Variants in ITCH observed in about 807,000 individuals in gnomAD.
ITCH encodes the protein itchy E3 ubiquitin protein ligase.
A neutral mutation model predicts 126.8 loss-of-function variants in ITCH; 28 were observed. That is an observed-to-expected ratio of 0.22 (90% CI 0.16 to 0.30). The LOEUF (loss-of-function observed/expected upper bound fraction) is 0.30. Among genes scored for constraint, ITCH ranks in the 10% least tolerant of loss-of-function variants. The pLI, the probability that ITCH is intolerant of heterozygous loss-of-function variation, is 1.00. For missense variants in ITCH, 631 were observed against 1,032.4 expected (o/e 0.61, Z 5.33); for synonymous variants, 342 against 340.0 (o/e 1.01, Z -0.06).
At chr20:34,407,359 C>T (rs189456414) in intron 3 of ITCH, among the ~76,000 whole-genome samples, 5 of 152,182 alleles carry the variant, frequency 3.3e-5, no homozygotes, top group South Asian at 2.1e-4. Context: ...CTCCACCTCC[C>T]GGGTTCAAGC....
At chr20:34,410,278 G>A (rs1978812017) in intron 4 of ITCH, among the ~76,000 whole-genome samples, 1 of 151,846 alleles carries the variant, frequency 6.6e-6, no homozygotes, top group African/African-American at 2.4e-5. Context: ...TGAGACAGGA[G>A]AATTGGTTGA....
intron 16 of ITCH, among the ~76,000 whole-genome samples, chr20:34,472,337 A>T (rs1987710169): frequency 6.7e-6 from 1 of 150,194 alleles, no homozygotes; most frequent in Non-Finnish European, 1.5e-5. Context: ...ATTGCATTCC[A>T]GCCTGGGCAA....
At chr20:34,497,371 G>C (rs1162078603) in intron 23 of ITCH, among the ~76,000 whole-genome samples, 1 of 152,100 alleles carries the variant, frequency 6.6e-6, no homozygotes, top group East Asian at 1.9e-4. Context: ...TCTCTCTTCT[G>C]TTCCACTGGT....
intron 24 of ITCH, 148 bp from the exon 25 acceptor site, chr20:34,507,547 T>C (rs1990717400): frequency 1.5e-6 from 1 of 645,382 alleles, no homozygotes; most frequent in East Asian, 2.9e-5. Context: ...TTTCCCATTT[T>C]TGGGTTATTT....
Position 34,471,401 on chromosome 20 carries a change from A to G in ITCH, c.1498-43A>G, listed in dbSNP as rs149495454. On this transcript the variant is annotated intron_variant, in intron 15 of 24. Coordinates refer to ENST00000374864, the MANE Select transcript of ITCH (RefSeq NM_031483.7). The stretch of plus-strand genomic sequence containing the variant: ...CCCCTTTTGATTTTTTTGATAGGCT[A>G]TTTTAATGATGAGAGTTGACTTAAG... 278 of 1,172,080 alleles carry G rather than the reference A, an allele frequency of 2.4e-4. 1 individual carries two copies. The African/African-American group carries it at 3.5e-3, about 15-fold the overall frequency. The allele number at this position is 1,172,080 out of a possible 1,614,324, so 72.6% of individuals were successfully genotyped here. A position where few individuals can be genotyped will look rare whatever the true frequency, so the allele number is the denominator to read the frequency against.
intron 20 of ITCH, among the ~76,000 whole-genome samples, chr20:34,484,242 G>A (rs1291093008): frequency 6.6e-6 from 1 of 152,146 alleles, no homozygotes; most frequent in Non-Finnish European, 1.5e-5. Flanking sequence ...CTAGTCTCAA[G>A]AGCTAATAGT....
Position 34,511,523 on chromosome 20 carries a change from T to G in ITCH, c.*3729T>G, listed in dbSNP as rs1352296352. ...CTCTCTGCTTTTTTAAGTGGCAAGT[T>G]ACAGCCCATCTGGATTGTGGTATTG... On this transcript the variant is annotated 3_prime_UTR_variant, in exon 25 of 25. Coordinates refer to ENST00000374864, the MANE Select transcript of ITCH (RefSeq NM_031483.7). 1 of 152,190 alleles carries G rather than the reference T, an allele frequency of 6.6e-6. No homozygotes were observed. Among genetic ancestry groups the G allele is most frequent in the African/African-American group, 2.4e-5 (1 of 41,438 alleles). The allele number at this position is 152,190 out of a possible 1,614,324, so 9.4% of individuals were successfully genotyped here.
chr20:34,373,416 C>T (rs879347194), intron 2 of ITCH, among the ~76,000 whole-genome samples: 1 of 151,958 alleles, frequency 6.6e-6, no homozygotes, highest in Non-Finnish European at 1.5e-5. Context: ...GCTGGGATTA[C>T]AGGTCCCTGC....
intron 2 of ITCH, among the ~76,000 whole-genome samples, chr20:34,384,805 C>T (rs1464266540): frequency 3.3e-5 from 5 of 150,552 alleles, no homozygotes; most frequent in East Asian, 2.0e-4. Flanking sequence ...GGACTACAGG[C>T]GCCCGCCACC....
intron 20 of ITCH, among the ~76,000 whole-genome samples, chr20:34,483,041 A>G (rs912508465): frequency 6.6e-6 from 1 of 152,120 alleles, no homozygotes; most frequent in African/African-American, 2.4e-5. Flanking sequence ...GGCCACTTTT[A>G]GTCATGCTGG....
rs531216200 is a variant in ITCH, at chr20:34,433,035, A to G, written c.522-5439A>G. 2.3e-4 allele frequency among the ~76,000 whole-genome samples: 35 copies of G among 152,262 alleles called. No homozygotes were observed. In the South Asian group the frequency reaches 6.8e-3, roughly 30 times the overall value. On this transcript the variant is annotated intron_variant, in intron 7 of 24. Coordinates refer to ENST00000374864, the MANE Select transcript of ITCH (RefSeq NM_031483.7). ...CCGGGCGCAGTGGCTCATGCCTGTA[A>G]TCCCAGCACTTTAGGAGGCTGAGGC...
chr20:34,441,203 C>T (rs1320031389), intron 9 of ITCH, among the ~76,000 whole-genome samples: 1 of 151,936 alleles, frequency 6.6e-6, no homozygotes, highest in Admixed American at 6.6e-5. Flanking sequence ...ACCTGGGAGG[C>T]AGAGGTTGCA....
chr20:34,412,393 T>C, intron 4 of ITCH, 122 bp from the exon 5 acceptor site: 1 of 707,922 alleles, frequency 1.4e-6, no homozygotes, highest in Non-Finnish European at 2.4e-6. Context: ...ATTGATTGTA[T>C]AGTAAACTGT....
At chr20:34,448,848 T>C (rs541963491) in intron 11 of ITCH, among the ~76,000 whole-genome samples, 28 of 152,316 alleles carry the variant, frequency 1.8e-4, no homozygotes, top group African/African-American at 6.7e-4. Context: ...AATGTGATCA[T>C]TGGAAACAGA....
chr20:34,412,502 T>G lies in ITCH; in HGVS notation c.213-13T>G, dbSNP rs1266013100. ...ATAAAAATAATATTTTTTCCCTCTT[T>G]TTTCACTTTTAGTATCGTTACCCCT... On this transcript the variant is annotated splice_polypyrimidine_tract_variant and intron_variant, in intron 4 of 24. Coordinates refer to ENST00000374864, the MANE Select transcript of ITCH (RefSeq NM_031483.7). 6.4e-7 allele frequency: 1 copy of G among 1,570,060 alleles called. No homozygotes were observed. Among genetic ancestry groups the G allele is most frequent in the Non-Finnish European group, 8.8e-7 (1 of 1,140,508 alleles).
chr20:34,494,875 C>G (rs1271466182), intron 23 of ITCH, among the ~76,000 whole-genome samples: 1 of 152,048 alleles, frequency 6.6e-6, no homozygotes, highest in Non-Finnish European at 1.5e-5. Context: ...GGGAGGATCA[C>G]TTGAGCCTTG....
At position 34,462,705 on chromosome 20, in the gene ITCH, C is replaced by A. The variant is rs112876343; in HGVS notation, c.1424+484C>A. On this transcript the variant is annotated intron_variant, in intron 14 of 24. Transcript: ENST00000374864. ...ATTCATATTGTGGCATAATCATTAC[C>A]ACCATCCATCTCCAGAATGTTTTCA... 3.4e-3 allele frequency among the ~76,000 whole-genome samples: 524 copies of A among 152,232 alleles called. 2 individuals are homozygous for A. The highest frequency in any genetic ancestry group is 0.011 in the African/African-American group (447 of 41,532).
rs770996522 is a variant in ITCH at position 34,462,106 on chromosome 20, A to G, written c.1309A>G (p.Lys437Glu). The G allele has an allele frequency of 1.2e-6, 2 of 1,613,838 alleles. No homozygotes were observed. The highest frequency in any genetic ancestry group is 2.2e-5 in the South Asian group (2 of 91,076). The change falls in exon 14 of 25, where the codon AAG (lysine) becomes GAG (glutamate). Residue 437 changes from lysine to glutamate, a missense_variant. By Grantham distance (56) the Lys-to-Glu change is moderately conservative. Around this residue, in one of 4 missense-constraint regions of ITCH, gnomAD observed 390 missense variants for 731.6 expected, o/e 0.53. Coordinates refer to ENST00000374864, the MANE Select transcript of ITCH (RefSeq NM_031483.7). ...TGTGTTTCGTAGTCAATTAAATGAA[A>G]AGCCCTTACCTGAAGGTTGGGAAAT... ...DPRSQGQLNE[K>E]PLPEGWEMRF...
At chr20:34,456,184 G>GTGTATA (rs1222199512) in intron 12 of ITCH, among the ~76,000 whole-genome samples, 4 of 47,240 alleles carry the variant, frequency 8.5e-5, no homozygotes, top group African/African-American at 1.3e-4. Flanking sequence ...GTGTGTGTGT[G>GTGTATA]TATATATATA....
Sources: gnomAD v4.1 joint callset for allele counts (sites outside exome capture counted in the v4.1 genomes callset) on GRCh38, gnomAD v4.1.1 for gene constraint, gnomAD v4.1.1 regional missense constraint, MANE v1.5 for transcripts, NCBI Gene and HGNC (gene_info 2026-07-23, HGNC 2026-07-21) for gene names.